Variants in RALGPS2 observed in about 807,000 individuals in gnomAD.
RALGPS2 encodes the protein ras-specific guanine nucleotide-releasing factor RalGPS2.
In RALGPS2, 43 loss-of-function variants were observed where a neutral mutation model predicts 86.8. The ratio of observed to expected loss-of-function variants is 0.50; its 90% CI spans 0.39 to 0.64. The LOEUF (loss-of-function observed/expected upper bound fraction) is 0.64. Ranked by LOEUF, RALGPS2 falls within the 30% of genes least tolerant of loss-of-function variation. The pLI is 0.00. For missense variants in RALGPS2, 536 were observed against 694.6 expected (o/e 0.77, Z 2.57); for synonymous variants, 243 against 231.3 (o/e 1.05, Z -0.46).
intron 5 of RALGPS2, 48 bp downstream of exon 5, chr1:178,808,176 A>G: frequency 1.6e-6 from 2 of 1,229,212 alleles, no homozygotes; most frequent in East Asian, 2.3e-5. Context: ...GTTCCTCAAT[A>G]TATACTTTTT....
intron 4 of RALGPS2, among the ~76,000 whole-genome samples, chr1:178,792,676 A>G (rs1201512572): frequency 1.3e-5 from 2 of 152,064 alleles, no homozygotes; most frequent in Non-Finnish European, 2.9e-5. Flanking sequence ...CCATTTGTCC[A>G]TTGGCCCAAG....
intron 8 of RALGPS2, among the ~76,000 whole-genome samples, chr1:178,862,588 ATTTT>A (rs111564790): frequency 0.013 from 1,763 of 131,366 alleles, 10 homozygotes; most frequent in African/African-American, 0.022. Context: ...GAGGAGTTGC[ATTTT>A]TTTTATTTAT....
chr1:178,848,018 C>T (rs1202236268), intron 8 of RALGPS2, among the ~76,000 whole-genome samples: 1 of 152,126 alleles, frequency 6.6e-6, no homozygotes, highest in Non-Finnish European at 1.5e-5. Flanking sequence ...AATTCATTAA[C>T]TTATTCTTGA....
chr1:178,773,904 G>A (rs1449776469), intron 1 of RALGPS2, among the ~76,000 whole-genome samples: 1 of 152,120 alleles, frequency 6.6e-6, no homozygotes, highest in Non-Finnish European at 1.5e-5. Context: ...GGATTTTAAT[G>A]TGACCTTAAT....
intron 19 of RALGPS2, among the ~76,000 whole-genome samples, chr1:178,915,056 G>A (rs986096447): frequency 2.0e-5 from 3 of 152,056 alleles, no homozygotes; most frequent in African/African-American, 7.2e-5. Flanking sequence ...TGTGCAACAA[G>A]TCAACCAGAC....
chr1:178,789,950 C>G (rs1653869703), intron 4 of RALGPS2, among the ~76,000 whole-genome samples: 1 of 151,956 alleles, frequency 6.6e-6, no homozygotes, highest in South Asian at 2.1e-4. Context: ...CACCAAAATA[C>G]TTTTAGCTTT....
chr1:178,733,011 G>A (rs1284775310), intron 1 of RALGPS2, among the ~76,000 whole-genome samples: 2 of 152,118 alleles, frequency 1.3e-5, no homozygotes, highest in Non-Finnish European at 2.9e-5. Flanking sequence ...AAGTTTCGCT[G>A]ACTTCATGAA....
At chr1:178,760,869 C>G (rs1020866962) in intron 1 of RALGPS2, among the ~76,000 whole-genome samples, 8 of 151,978 alleles carry the variant, frequency 5.3e-5, no homozygotes, top group Admixed American at 5.2e-4. Context: ...GAATTATTTT[C>G]TCAAATATAT....
intron 8 of RALGPS2, among the ~76,000 whole-genome samples, chr1:178,860,314 A>C (rs1215392641): frequency 2.6e-5 from 4 of 152,192 alleles, no homozygotes. Flanking sequence ...GTAGAGAAGA[A>C]GGTAATGTGT....
chr1:178,883,906 G>A (rs1052082108), intron 11 of RALGPS2, among the ~76,000 whole-genome samples: 3 of 151,834 alleles, frequency 2.0e-5, no homozygotes, highest in Non-Finnish European at 4.4e-5. Flanking sequence ...GCAGAATGGC[G>A]TGAACCCGGG....
intron 1 of RALGPS2, among the ~76,000 whole-genome samples, chr1:178,772,273 T>A (rs931199349): frequency 6.6e-6 from 1 of 152,246 alleles, no homozygotes; most frequent in Non-Finnish European, 1.5e-5. Flanking sequence ...TATAATGAGT[T>A]AAGTGAACTT....
At chr1:178,850,534 A>T (rs1239551429) in intron 8 of RALGPS2, 1 of 152,056 alleles carries the variant, frequency 6.6e-6, no homozygotes, top group Non-Finnish European at 1.5e-5. Flanking sequence ...AATGATATGT[A>T]TTTAATACTA....
chr1:178,735,579 A>G (rs1650637068), intron 1 of RALGPS2, among the ~76,000 whole-genome samples: 1 of 142,354 alleles, frequency 7.0e-6, no homozygotes, highest in African/African-American at 2.6e-5. Flanking sequence ...ACGTGCCACC[A>G]TGCCCAGCTA....
At chr1:178,736,249 C>T (rs1229288749) in intron 1 of RALGPS2, among the ~76,000 whole-genome samples, 3 of 149,094 alleles carry the variant, frequency 2.0e-5, no homozygotes, top group Non-Finnish European at 3.0e-5. Context: ...CTGCAGCCTC[C>T]GCCTCCTGGG....
At chr1:178,789,124 C>G (rs2102140036) in intron 4 of RALGPS2, among the ~76,000 whole-genome samples, 1 of 152,286 alleles carries the variant, frequency 6.6e-6, no homozygotes, top group East Asian at 1.9e-4. Context: ...CCAGGCTTGT[C>G]TCAAACTCCT....
intron 4 of RALGPS2, among the ~76,000 whole-genome samples, chr1:178,803,134 G>C (rs1481802615): frequency 6.6e-6 from 1 of 152,112 alleles, no homozygotes; most frequent in Non-Finnish European, 1.5e-5. Context: ...ACAGGTAGCA[G>C]AGCCTTGAAA....
chr1:178,878,810 C>T (rs1659106562), intron 9 of RALGPS2, 92 bp from the exon 10 acceptor site: 1 of 1,523,528 alleles, frequency 6.6e-7, no homozygotes, highest in South Asian at 1.3e-5. Flanking sequence ...GCCATGTGGC[C>T]TTAATTTACC....
At chr1:178,839,872 A>C (rs1656497394) in intron 8 of RALGPS2, among the ~76,000 whole-genome samples, 1 of 152,204 alleles carries the variant, frequency 6.6e-6, no homozygotes, top group Non-Finnish European at 1.5e-5. Flanking sequence ...CTCTGATAAA[A>C]CACTTTAAAC....
At chr1:178,785,394 A>G (rs1183985844) in intron 3 of RALGPS2, among the ~76,000 whole-genome samples, 163 bp from the exon 4 acceptor site, 1 of 151,974 alleles carries the variant, frequency 6.6e-6, no homozygotes, top group Admixed American at 6.6e-5. Context: ...ATCATTAGAA[A>G]TAATTCTATT....
Sources: gnomAD v4.1 joint callset for allele counts (sites outside exome capture counted in the v4.1 genomes callset) on GRCh38, gnomAD v4.1.1 for gene constraint, MANE v1.5 for transcripts, NCBI Gene and HGNC (gene_info 2026-07-23, HGNC 2026-07-21) for gene names.